The following NBAS variants were observed in gnomAD, a reference collection of about 807,000 sequenced individuals.
NBAS encodes the protein NBAS subunit of NRZ tethering complex.
In NBAS, 219 loss-of-function variants were observed where a neutral mutation model predicts 302.5. The ratio of observed to expected loss-of-function variants is 0.72; its 90% confidence interval spans 0.65 to 0.81. NBAS has a LOEUF of 0.81. Among genes scored for constraint, NBAS ranks in the 30% least tolerant of loss-of-function variants. The pLI is 0.00. For missense variants in NBAS, 2,932 were observed against 2,841.6 expected (o/e 1.03, Z -0.72); for synonymous variants, 1,118 against 1,021.6 (o/e 1.09, Z -1.80).
At chr2:15,461,134 G>T (rs1376650470) in intron 21 of NBAS, 67 bp downstream of exon 21, 3 of 1,401,778 alleles carry the variant, frequency 2.1e-6, no homozygotes, top group Non-Finnish European at 3.0e-6. Flanking sequence ...ACTTTAAGGT[G>T]TTCAGCATGA....
chr2:14,909,302 A>T, the NBAS span, among the ~76,000 whole-genome samples: 3 of 146,240 alleles, frequency 2.1e-5, no homozygotes, highest in African/African-American at 7.7e-5. Flanking sequence ...CCTGGGTGAC[A>T]GAGCGAGACT....
At chr2:15,152,558 G>A in the NBAS span, among the ~76,000 whole-genome samples, 3 of 152,176 alleles carry the variant, frequency 2.0e-5, no homozygotes, top group African/African-American at 7.2e-5. Flanking sequence ...CCATGTCCAT[G>A]TCCATATGAG....
the NBAS span, among the ~76,000 whole-genome samples, chr2:15,052,809 G>T: frequency 2.0e-5 from 3 of 152,238 alleles, no homozygotes; most frequent in East Asian, 3.9e-4. Flanking sequence ...TAATAGATAA[G>T]GGAATTTAAA....
intron 32 of NBAS, among the ~76,000 whole-genome samples, chr2:15,364,367 A>C (rs1037276116): frequency 6.6e-6 from 1 of 152,136 alleles, no homozygotes; most frequent in Non-Finnish European, 1.5e-5. Context: ...CCCCGTTTCT[A>C]CTAAAAATAC....
At chr2:15,136,066 C>T in the NBAS span, among the ~76,000 whole-genome samples, 1 of 152,150 alleles carries the variant, frequency 6.6e-6, no homozygotes, top group Non-Finnish European at 1.5e-5. Context: ...AGAGGCAACG[C>T]CTCTATCCTT....
the NBAS span, among the ~76,000 whole-genome samples, chr2:14,796,365 G>C: frequency 6.6e-6 from 1 of 152,128 alleles, no homozygotes; most frequent in African/African-American, 2.4e-5. Context: ...CAAGCTGTTA[G>C]TTTCTACATA....
chr2:14,782,725 G>C, the NBAS span, among the ~76,000 whole-genome samples: 9,828 of 152,180 alleles, frequency 0.065, 353 homozygotes, highest in African/African-American at 0.093. Flanking sequence ...ACCAATGTTA[G>C]ACAAGATAAA....
At chr2:15,365,876 T>C (rs1167757226) in intron 32 of NBAS, among the ~76,000 whole-genome samples, 1 of 150,326 alleles carries the variant, frequency 6.7e-6, no homozygotes. Context: ...AAGACAAAAC[T>C]ACAAAAAAAA....
At chr2:14,921,560 G>T in the NBAS span, among the ~76,000 whole-genome samples, 5 of 152,192 alleles carry the variant, frequency 3.3e-5, no homozygotes, top group African/African-American at 1.2e-4. Flanking sequence ...ACACCTGGGA[G>T]CTTAACTGTT....
At chr2:14,923,247 C>T in the NBAS span, among the ~76,000 whole-genome samples, 2,230 of 150,744 alleles carry the variant, frequency 0.015, 65 homozygotes, top group African/African-American at 0.052. Flanking sequence ...CAATGTTGTG[C>T]CAAGCTCTTC....
the NBAS span, among the ~76,000 whole-genome samples, chr2:15,121,866 G>A: frequency 1.3e-5 from 2 of 151,980 alleles, no homozygotes; most frequent in South Asian, 2.1e-4. Flanking sequence ...AGTTTTTTAT[G>A]TATCAATATA....
the NBAS span, among the ~76,000 whole-genome samples, chr2:14,922,919 G>A: frequency 1.8e-3 from 280 of 152,306 alleles, no homozygotes; most frequent in African/African-American, 6.4e-3. Flanking sequence ...TTGGGAGGCC[G>A]AGGTGGGTGG....
At chr2:15,323,730 G>T (rs979035338) in intron 38 of NBAS, among the ~76,000 whole-genome samples, 79 of 151,960 alleles carry the variant, frequency 5.2e-4, no homozygotes, top group African/African-American at 1.9e-3. Context: ...AGCTACTCAG[G>T]AGGCAGTGGT....
intron 36 of NBAS, among the ~76,000 whole-genome samples, 194 bp downstream of exon 36, chr2:15,330,404 C>A (rs9679564): frequency 6.6e-6 from 1 of 152,138 alleles, no homozygotes; most frequent in African/African-American, 2.4e-5. Flanking sequence ...CTGTCCTTTG[C>A]AAGTACTCCA....
intron 11 of NBAS, among the ~76,000 whole-genome samples, chr2:15,498,375 T>C (rs996667731): frequency 2.6e-5 from 4 of 152,152 alleles, no homozygotes; most frequent in African/African-American, 9.7e-5. Flanking sequence ...AAAAAAAATA[T>C]TTATACATAC....
chr2:15,028,289 G>A, the NBAS span, among the ~76,000 whole-genome samples: 3 of 152,132 alleles, frequency 2.0e-5, no homozygotes, highest in Non-Finnish European at 2.9e-5. Flanking sequence ...GGAAAAACCC[G>A]AAGGGCTAGC....
intron 38 of NBAS, among the ~76,000 whole-genome samples, chr2:15,314,120 G>A (rs937239780): frequency 5.3e-5 from 8 of 152,164 alleles, no homozygotes; most frequent in South Asian, 2.1e-4. Context: ...TTGGGAGGCC[G>A]AGGCAGGTGG....
chr2:14,973,219 T>C, the NBAS span, among the ~76,000 whole-genome samples: 1 of 152,284 alleles, frequency 6.6e-6, no homozygotes. Flanking sequence ...GCTAGAACCT[T>C]CCTAAGGGTC....
chr2:14,939,304 C>T, the NBAS span, among the ~76,000 whole-genome samples: 9 of 152,240 alleles, frequency 5.9e-5, no homozygotes, highest in Non-Finnish European at 1.3e-4. Context: ...TACAGCTCTG[C>T]TTCTACTGCC....
Sources: gnomAD v4.1 joint callset for allele counts (sites outside exome capture counted in the v4.1 genomes callset) on GRCh38, gnomAD v4.1.1 for gene constraint, MANE v1.5 for transcripts, NCBI Gene and HGNC (gene_info 2026-07-23, HGNC 2026-07-21) for gene names.